SH3RF3: variants seen among roughly 807,000 people sequenced by gnomAD.
SH3RF3 encodes E3 ubiquitin-protein ligase SH3RF3.
In SH3RF3, 29 loss-of-function variants were observed where a neutral mutation model predicts 66.3. That is an observed-to-expected ratio of 0.44 (90% CI 0.33 to 0.60). The LOEUF (loss-of-function observed/expected upper bound fraction) is 0.60. Among genes scored for constraint, SH3RF3 ranks in the 20% least tolerant of loss-of-function variants. The pLI is 0.04. For missense variants in SH3RF3, 1,194 were observed against 1,190.9 expected (o/e 1.00, Z -0.04); for synonymous variants, 583 against 532.0 (o/e 1.10, Z -1.32).
intron 7 of SH3RF3, among the ~76,000 whole-genome samples, chr2:109,438,922 G>A (rs1423565357): frequency 3.3e-5 from 5 of 152,122 alleles, no homozygotes; most frequent in Admixed American, 6.5e-5. Flanking sequence ...CCGGTGTTCT[G>A]TACAAATGTT....
chr2:109,416,995 T>A (rs1324798291), intron 4 of SH3RF3, among the ~76,000 whole-genome samples: 1 of 151,512 alleles, frequency 6.6e-6, no homozygotes, highest in African/African-American at 2.4e-5. Flanking sequence ...GTGTTCCCCA[T>A]GGGGGCCCAG....
chr2:109,256,282 G>A (rs1680219444), intron 1 of SH3RF3, among the ~76,000 whole-genome samples: 2 of 152,338 alleles, frequency 1.3e-5, no homozygotes, highest in South Asian at 4.1e-4. Context: ...CTGGTTGAGC[G>A]TATTACTGGG....
chr2:109,232,019 A>G (rs982518989), intron 1 of SH3RF3, among the ~76,000 whole-genome samples: 1 of 152,176 alleles, frequency 6.6e-6, no homozygotes, highest in African/African-American at 2.4e-5. Context: ...GCCACGTTTT[A>G]TTTATCCGTT....
At chr2:109,268,426 C>T (rs557673091) in intron 1 of SH3RF3, among the ~76,000 whole-genome samples, 158 of 152,176 alleles carry the variant, frequency 1.0e-3, no homozygotes, top group African/African-American at 3.6e-3. Flanking sequence ...TCTGTCCTCT[C>T]CCATCCTGTC....
chr2:109,389,724 T>TCCACTAGATAAATATATTATTC (rs1675929364), intron 3 of SH3RF3, among the ~76,000 whole-genome samples: 1 of 151,928 alleles, frequency 6.6e-6, no homozygotes, highest in Non-Finnish European at 1.5e-5. Flanking sequence ...ATATATTATT[T>TCCACTAGATAAATATATTATTC]GGTCCACTAG....
intron 8 of SH3RF3, among the ~76,000 whole-genome samples, chr2:109,461,292 C>G (rs1678202537): frequency 6.6e-6 from 1 of 152,222 alleles, no homozygotes; most frequent in Admixed American, 6.5e-5. Context: ...TAGTCTCTAC[C>G]AAGGCCCAGT....
intron 1 of SH3RF3, among the ~76,000 whole-genome samples, chr2:109,155,312 T>C (rs1018812225): frequency 1.3e-5 from 2 of 152,206 alleles, no homozygotes; most frequent in South Asian, 2.1e-4. Context: ...TGTTTTGTTT[T>C]GTTTTAGAGA....
rs974035900 is a variant in SH3RF3, at chr2:109,490,695, G to A, written c.2239G>A (p.Asp747Asn). 1.2e-5 allele frequency: 18 copies of A among 1,531,368 alleles called. No individual in the cohort carries two copies. The Admixed American group carries it at 1.6e-4, about 13-fold the overall frequency. The allele number at this position is 1,531,368 out of a possible 1,614,324, so 94.9% of individuals were successfully genotyped here. Residue 747 changes from aspartate (D) to asparagine (N), a missense_variant, in exon 9 of 10, where the codon GAC (aspartate) becomes AAC (asparagine). Physicochemically the swap from Asp to Asn is conservative, Grantham distance 23. Coordinates refer to ENST00000309415, the MANE Select transcript of SH3RF3 (RefSeq NM_001099289.3). ...RSPPSVSPTHDPQVAVDALLQ... is the reference protein window; with the variant it reads ...RSPPSVSPTHNPQVAVDALLQ... Reference sequence around the variant, plus strand: ...CCCGCCATCTGTGTCTCCAACCCACGACCCCCAGGTGGCCGTGGACGCCCT... The same window carrying A: ...CCCGCCATCTGTGTCTCCAACCCACAACCCCCAGGTGGCCGTGGACGCCCT...
At chr2:109,183,345 A>G (rs1485663576) in intron 1 of SH3RF3, among the ~76,000 whole-genome samples, 1 of 151,966 alleles carries the variant, frequency 6.6e-6, no homozygotes, top group Non-Finnish European at 1.5e-5. Context: ...TTGCAAGGTG[A>G]GAGTCTACAC....
intron 1 of SH3RF3, among the ~76,000 whole-genome samples, chr2:109,181,395 C>T (rs1006951338): frequency 6.6e-6 from 1 of 152,166 alleles, no homozygotes; most frequent in Non-Finnish European, 1.5e-5. Flanking sequence ...CCACTCACGT[C>T]TTTTTTCTGT....
chr2:109,184,541 GCT>G (rs1355774483), intron 1 of SH3RF3, among the ~76,000 whole-genome samples: 2 of 152,182 alleles, frequency 1.3e-5, no homozygotes, highest in Admixed American at 1.3e-4. Flanking sequence ...GGGAGGCTGA[GCT>G]GTTGCTTAGC....
chr2:109,445,992 G>T (rs993898807), intron 7 of SH3RF3, among the ~76,000 whole-genome samples: 5 of 152,116 alleles, frequency 3.3e-5, no homozygotes, highest in Non-Finnish European at 5.9e-5. Flanking sequence ...AGAGGAAAGG[G>T]AAAAGCAGGG....
At chr2:109,282,711 C>T (rs1259564005) in intron 1 of SH3RF3, among the ~76,000 whole-genome samples, 1 of 152,218 alleles carries the variant, frequency 6.6e-6, no homozygotes, top group East Asian at 1.9e-4. Context: ...CTTGCACTTA[C>T]CAGCTTTATG....
intron 1 of SH3RF3, among the ~76,000 whole-genome samples, chr2:109,297,568 C>G (rs1453867871): frequency 6.7e-6 from 1 of 149,466 alleles, no homozygotes; most frequent in Non-Finnish European, 1.5e-5. Flanking sequence ...TGCCTCCCAC[C>G]TAGGCCAGTG....
intron 1 of SH3RF3, among the ~76,000 whole-genome samples, chr2:109,310,676 C>T: frequency 1.7e-5 from 1 of 59,700 alleles, no homozygotes; most frequent in Non-Finnish European, 2.7e-5. Context: ...ACCGATCCCA[C>T]AGAAATACAA....
At chr2:109,257,400 G>GAGGAAGGGAAGGAGGGA (rs1680246812) in intron 1 of SH3RF3, among the ~76,000 whole-genome samples, 1 of 151,384 alleles carries the variant, frequency 6.6e-6, no homozygotes, top group Non-Finnish European at 1.5e-5. Context: ...GAAGGAGGGA[G>GAGGAAGGGAAGGAGGGA]AGGAAGGGAA....
intron 1 of SH3RF3, among the ~76,000 whole-genome samples, chr2:109,133,043 A>G (rs1164175561): frequency 6.6e-6 from 1 of 152,240 alleles, no homozygotes; most frequent in Non-Finnish European, 1.5e-5. Context: ...GCACTATTAT[A>G]GGTAAACAAG....
intron 1 of SH3RF3, among the ~76,000 whole-genome samples, chr2:109,286,234 C>T (rs887775671): frequency 6.6e-6 from 1 of 152,194 alleles, no homozygotes; most frequent in African/African-American, 2.4e-5. Flanking sequence ...CATTCTGTTT[C>T]TCTGAGGGAG....
At position 109,129,619 on chromosome 2, in the gene SH3RF3, C is replaced by T. The variant is rs1254941196; in HGVS notation, c.79C>T (p.Pro27Ser). The change falls in exon 1 of 10, where the codon CCA becomes TCA. Residue 27 changes from proline to serine, a missense_variant. Transcript: ENST00000309415. ...GCAGAGCGAGGGCGACGAGGACAGG[C>T]CAGGCGAGCGACGGCGGCGTCGGGC... ...AAQSEGDEDR[P>S]GERRRRRAAA... 2.0e-6 allele frequency: 3 copies of T among 1,490,202 alleles called. No individual in the cohort carries two copies. The South Asian group carries it at 3.9e-5, about 19-fold the overall frequency. 92.3% of individuals were successfully genotyped at this position (1,490,202 alleles called of 1,614,324 possible). A position where few individuals can be genotyped will look rare whatever the true frequency, so the allele number is the denominator to read the frequency against.
Sources: allele counts gnomAD v4.1 joint callset (sites outside exome capture counted in the v4.1 genomes callset), GRCh38; gene constraint gnomAD v4.1.1; transcripts MANE v1.5; gene names NCBI Gene and HGNC (gene_info 2026-07-23, HGNC 2026-07-21).